SERPINB8: variants seen among roughly 807,000 people sequenced by gnomAD.
SERPINB8 encodes the protein serpin B8.
Under a neutral mutation model 35.3 loss-of-function variants are expected in SERPINB8, and 25 were observed. The observed-to-expected ratio is 0.71, with a 90% CI of 0.52 to 0.99. The LOEUF (loss-of-function observed/expected upper bound fraction) is 0.99, where lower values mean the gene tolerates loss of function less well. SERPINB8 is among the 50% of genes least tolerant of loss of function. SERPINB8 has a pLI of 0.00. For synonymous variants in SERPINB8, 186 were observed against 160.8 expected (o/e 1.16, Z -1.19); for missense variants, 484 against 446.5 (o/e 1.08, Z -0.76).
chr18:63,982,340 C>T (rs1019011011), intron 4 of SERPINB8, among the ~76,000 whole-genome samples: 4 of 152,164 alleles, frequency 2.6e-5, no homozygotes, highest in Admixed American at 2.0e-4. Flanking sequence ...TCTGGAGGTG[C>T]AGCGACATGG....
chr18:63,979,570 C>T (rs762090862), intron 2 of SERPINB8, among the ~76,000 whole-genome samples: 4 of 152,062 alleles, frequency 2.6e-5, no homozygotes, highest in Non-Finnish European at 5.9e-5. Flanking sequence ...TGGATGGAAG[C>T]CAGAAGTGCT....
chr18:64,013,894 G>A (rs928633295), intron 7 of SERPINB8, among the ~76,000 whole-genome samples: 5 of 152,178 alleles, frequency 3.3e-5, no homozygotes, highest in African/African-American at 9.7e-5. Context: ...GGGAATGGTA[G>A]CAAAAGAAAC....
At chr18:64,000,828 A>G (rs1185566014) in intron 1 of SERPINB8, among the ~76,000 whole-genome samples, 1 of 151,948 alleles carries the variant, frequency 6.6e-6, no homozygotes. Flanking sequence ...TCACTCTCCC[A>G]TTTGGCTCAG....
At chr18:63,989,716 G>A (rs28781721), downstream of SERPINB8, among the ~76,000 whole-genome samples, 252 of 152,100 alleles carry the variant, frequency 1.7e-3, no homozygotes, top group African/African-American at 4.7e-3. Context: ...GGCCGAGGCG[G>A]GCGGATCACG....
intron 7 of SERPINB8, among the ~76,000 whole-genome samples, chr18:64,014,114 A>G (rs555981228): frequency 6.6e-6 from 1 of 152,298 alleles, no homozygotes; most frequent in Non-Finnish European, 1.5e-5. Context: ...CCCAGTGAGA[A>G]TATCATTTTA....
intron 4 of SERPINB8, among the ~76,000 whole-genome samples, chr18:63,982,701 T>G (rs550169532): frequency 6.6e-6 from 1 of 152,312 alleles, no homozygotes; most frequent in African/African-American, 2.4e-5. Flanking sequence ...TCAACAGTAC[T>G]GTCACCTGAG....
At chr18:63,989,787 C>CA (rs1223035105), downstream of SERPINB8, among the ~76,000 whole-genome samples, 1 of 150,982 alleles carries the variant, frequency 6.6e-6, no homozygotes, top group Admixed American at 6.6e-5. Context: ...ACTAAAAATA[C>CA]AAAAAATTAG....
In SERPINB8 at chr18:63,979,935, T is replaced by C. The variant is rs139401967; in HGVS notation, c.303T>C (p.Leu101=). Residue 101 remains leucine, a synonymous_variant, in exon 3 of 7, where the codon CTT becomes CTC. Coordinates refer to ENST00000397985, the MANE Select transcript of SERPINB8 (RefSeq NM_002640.4). ...TTGGAGAAAAGACGTGTGATTTCCT[T>C]CCAGTAAGTAGTATTCACATATTGA... ...RLFGEKTCDF[L]PDFKEYCQKF... 1.2e-6 allele frequency: 2 copies of C among 1,613,852 alleles called. No individual in the cohort carries two copies. The highest frequency in any genetic ancestry group is 8.5e-7 in the Non-Finnish European group (1 of 1,179,904).
At chr18:63,991,123 TTAA>T (rs1182966411), downstream of SERPINB8, among the ~76,000 whole-genome samples, 1 of 152,362 alleles carries the variant, frequency 6.6e-6, no homozygotes, top group South Asian at 2.1e-4. Flanking sequence ...TTACTGTAGC[TTAA>T]TAATAAGTTT....
At chr18:63,995,672 C>G (rs2050845720) in intron 1 of SERPINB8, among the ~76,000 whole-genome samples, 1 of 152,170 alleles carries the variant, frequency 6.6e-6, no homozygotes, top group African/African-American at 2.4e-5. Context: ...TTACTGTCGC[C>G]TAGGCCATTG....
intron 7 of SERPINB8, among the ~76,000 whole-genome samples, chr18:64,018,407 G>T (rs180725122): frequency 6.1e-4 from 93 of 152,242 alleles, no homozygotes; most frequent in African/African-American, 1.9e-3. Flanking sequence ...AAGTGAATTG[G>T]AATGCTTAGA....
At chr18:64,009,119 T>G (rs957841146), downstream of SERPINB8, among the ~76,000 whole-genome samples, 3 of 152,194 alleles carry the variant, frequency 2.0e-5, no homozygotes, top group African/African-American at 7.2e-5. Context: ...TTAAGATTCT[T>G]AGGAATGATA....
Position 63,970,124 on chromosome 18 carries a change from A to AGCG in SERPINB8, c.-55_-54insGGC, listed in dbSNP as rs1568263811. 1 of 347,710 alleles carries AGCG rather than the reference A, an allele frequency of 2.9e-6. No individual in the cohort carries two copies. The highest frequency in any genetic ancestry group is 2.5e-5 in the African/African-American group (1 of 39,786). 21.5% of individuals were successfully genotyped at this position (347,710 alleles called of 1,614,324 possible). ...GCATCTACAAAGGAGGAATAGTCAA[A>AGCG]GCAGCAGCGGCGGCGGCGGCGGCGG... On this transcript the variant is annotated 5_prime_UTR_variant, in exon 1 of 7. Transcript: ENST00000397985.
downstream of SERPINB8, among the ~76,000 whole-genome samples, chr18:63,989,912 C>T (rs2050813527): frequency 8.7e-6 from 1 of 115,162 alleles, no homozygotes; most frequent in African/African-American, 3.4e-5. Context: ...CACTGCACTC[C>T]AGCCTGGGCG....
chr18:63,976,446 A>G (rs2050583029), intron 1 of SERPINB8, among the ~76,000 whole-genome samples: 1 of 152,206 alleles, frequency 6.6e-6, no homozygotes, highest in East Asian at 1.9e-4. Context: ...CTTCCACAGA[A>G]CTGGTTGATA....
At chr18:64,019,462 C>A (rs1317922317) in exon 8 of SERPINB8, 1 of 152,268 alleles carries the variant, frequency 6.6e-6, no homozygotes, top group Non-Finnish European at 1.5e-5. Context: ...ACTCCATCCT[C>A]CAGATTATTG....
At chr18:63,999,368 G>A (rs1001820567) in intron 1 of SERPINB8, among the ~76,000 whole-genome samples, 4 of 152,198 alleles carry the variant, frequency 2.6e-5, no homozygotes, top group South Asian at 2.1e-4. Flanking sequence ...CGGACCCAAT[G>A]TGTTACCTGA....
chr18:63,986,648 G>C (rs748798497), intron 6 of SERPINB8: 201 of 1,333,548 alleles, frequency 1.5e-4, no homozygotes, highest in Middle Eastern at 2.8e-4. Flanking sequence ...ATTTCTGCCT[G>C]TCTCAGGTGT....
Position 63,986,978 on chromosome 18 carries a change from G to A in SERPINB8, c.825G>A (p.Glu275=). 6.2e-7 allele frequency: 1 copy of A among 1,614,228 alleles called. No homozygotes were observed. Among genetic ancestry groups the A allele is most frequent in the Non-Finnish European group, 8.5e-7 (1 of 1,180,042 alleles). ...TCCTTCCCAGATTAAAGCTGGAGGA[G>A]AGTTATGACTTGGAGCCTTTCCTTC... ...QVFLPRLKLE[E]SYDLEPFLRR... is the part of the protein sequence containing the mutation. The change falls in exon 7 of 7, where the codon GAG becomes GAA. Residue 275 remains glutamate (E), a synonymous_variant. Transcript: ENST00000397985.
Sources: allele counts gnomAD v4.1 joint callset (sites outside exome capture counted in the v4.1 genomes callset), GRCh38; gene constraint gnomAD v4.1.1; transcripts MANE v1.5; gene names NCBI Gene and HGNC (gene_info 2026-07-23, HGNC 2026-07-21).